Variants in SETD2 observed in about 807,000 individuals in gnomAD.
SETD2 encodes the protein SET domain containing 2, histone lysine methyltransferase.
In SETD2, 31 loss-of-function variants were observed where a neutral mutation model predicts 242.1. That is an observed-to-expected ratio of 0.13 (90% confidence interval 0.10 to 0.17). SETD2 has a LOEUF of 0.17. SETD2 is among the 10% of genes least tolerant of loss of function. The pLI is 1.00. For missense variants in SETD2, 2,481 were observed against 3,046.3 expected, an observed-to-expected ratio of 0.81 and a Z score of 4.37; for synonymous variants, 1,006 against 1,066.5, an observed-to-expected ratio of 0.94 and a Z score of 1.11.
chr3:47,138,365 G>T, intron 1 of SETD2: 1 of 196,756 alleles, frequency 5.1e-6, no homozygotes, highest in Non-Finnish European at 1.1e-5. Context: ...CACCTCCTGG[G>T]TTCAAGCGAA....
At chr3:47,064,925 C>T (rs760903867) in intron 13 of SETD2, among the ~76,000 whole-genome samples, 1 of 151,926 alleles carries the variant, frequency 6.6e-6, no homozygotes, top group Non-Finnish European at 1.5e-5. Flanking sequence ...AAAGAGGCTA[C>T]TCCCTGAAAA....
chr3:47,026,147 T>C (rs2038466279), intron 18 of SETD2, among the ~76,000 whole-genome samples: 1 of 152,078 alleles, frequency 6.6e-6, no homozygotes, highest in Non-Finnish European at 1.5e-5. Flanking sequence ...TGGGCATGGA[T>C]ATGAACAGAC....
At chr3:47,067,862 C>A (rs565579032) in intron 12 of SETD2, among the ~76,000 whole-genome samples, 1 of 152,256 alleles carries the variant, frequency 6.6e-6, no homozygotes, top group South Asian at 2.1e-4. Context: ...GCAAAACCAA[C>A]ATGACTAATG....
At position 47,024,708 on chromosome 3, in the gene SETD2, C is replaced by T. The variant is rs1240358826; in HGVS notation, c.7351-4868G>A. On this transcript the variant is annotated intron_variant, in intron 18 of 20. Coordinates refer to ENST00000409792, the MANE Select transcript of SETD2 (RefSeq NM_014159.7). ...TGCAACTCCCTCAATGCAACAAATACTCTAAAACTACTATTTTAACATAAC... is the reference window on the plus strand; with the variant it reads ...TGCAACTCCCTCAATGCAACAAATATTCTAAAACTACTATTTTAACATAAC... Among the ~76,000 whole-genome samples, 6 of 152,338 alleles carry T rather than the reference C, an allele frequency of 3.9e-5. 1 individual carries two copies. The Middle Eastern group carries it at 0.01, about 259-fold the overall frequency.
At chr3:47,128,004 CA>C (rs2043385470) in intron 1 of SETD2, among the ~76,000 whole-genome samples, 2 of 152,134 alleles carry the variant, frequency 1.3e-5, no homozygotes, top group African/African-American at 4.8e-5. Flanking sequence ...CACACACACA[CA>C]CACACACACA....
At chr3:47,070,748 A>G (rs963739677) in intron 12 of SETD2, among the ~76,000 whole-genome samples, 15 of 152,354 alleles carry the variant, frequency 9.8e-5, no homozygotes, top group South Asian at 8.3e-4. Context: ...CTGGCATACT[A>G]TAACAGAAGA....
chr3:47,147,897 G>A (rs1188122270), intron 1 of SETD2, among the ~76,000 whole-genome samples: 6 of 126,190 alleles, frequency 4.8e-5, no homozygotes, highest in East Asian at 2.3e-4. Context: ...CAGCCTGGGC[G>A]ACAGAGCAAG....
chr3:47,068,491 ATCT>A (rs889166079), intron 12 of SETD2, among the ~76,000 whole-genome samples: 2 of 122,112 alleles, frequency 1.6e-5, no homozygotes, highest in African/African-American at 7.9e-5. Context: ...CAAATACACT[ATCT>A]TTTTTTTTTT....
chr3:47,154,336 G>A (rs2044074637), intron 1 of SETD2, among the ~76,000 whole-genome samples: 1 of 152,072 alleles, frequency 6.6e-6, no homozygotes, highest in South Asian at 2.1e-4. Context: ...TTGAATCCAG[G>A]AGGCAAAGGT....
intron 1 of SETD2, among the ~76,000 whole-genome samples, chr3:47,142,626 G>A (rs1575840519): frequency 1.3e-5 from 2 of 151,680 alleles, no homozygotes; most frequent in Admixed American, 6.6e-5. Flanking sequence ...ATGCTACTTC[G>A]TGGTGGGGGG....
intron 9 of SETD2, among the ~76,000 whole-genome samples, chr3:47,097,213 C>T (rs2042043702): frequency 6.6e-6 from 1 of 152,152 alleles, no homozygotes; most frequent in Admixed American, 6.5e-5. Context: ...CACTAAGATT[C>T]ACAGGTCTAG....
Position 47,016,960 on chromosome 3 carries a change from G to A in SETD2, c.*133C>T. Reference sequence around the variant, plus strand: ...TTGTGGCCTTCAGTTGACATCTGCAGGGTTGAATTCCCCAGGGTGATGTAT... The same window carrying A: ...TTGTGGCCTTCAGTTGACATCTGCAAGGTTGAATTCCCCAGGGTGATGTAT... On this transcript the variant is annotated 3_prime_UTR_variant, in exon 21 of 21. Coordinates refer to ENST00000409792, the MANE Select transcript of SETD2 (RefSeq NM_014159.7). 1.2e-6 allele frequency: 1 copy of A among 848,966 alleles called. No individual in the cohort carries two copies. Among genetic ancestry groups the A allele is most frequent in the Non-Finnish European group, 1.9e-6 (1 of 534,182 alleles). The allele number at this position is 848,966 out of a possible 1,614,324, so 52.6% of individuals were successfully genotyped here.
chr3:47,133,750 G>A (rs527985580), intron 1 of SETD2, among the ~76,000 whole-genome samples: 3 of 152,034 alleles, frequency 2.0e-5, no homozygotes, highest in African/African-American at 7.2e-5. Flanking sequence ...AGAGTATGTG[G>A]ACCCTTGGAA....
intron 14 of SETD2, among the ~76,000 whole-genome samples, chr3:47,060,735 T>C (rs898096256): frequency 6.6e-6 from 1 of 152,160 alleles, no homozygotes. Flanking sequence ...ACATACCATA[T>C]ATGACACATT....
At chr3:47,096,426 G>T (rs1023091258) in intron 9 of SETD2, among the ~76,000 whole-genome samples, 20 of 152,318 alleles carry the variant, frequency 1.3e-4, no homozygotes, top group Admixed American at 1.2e-3. Context: ...AGGGCTGAAG[G>T]CTGGGTGTGG....
At chr3:47,113,845 G>C (rs2107718119) in intron 5 of SETD2, 31 bp downstream of exon 5, 9 of 1,599,724 alleles carry the variant, frequency 5.6e-6, no homozygotes, top group Non-Finnish European at 7.7e-6. Context: ...TCTCAAAAAA[G>C]GAAGTGAAAG....
At chr3:47,129,764 A>G (rs1389816942) in intron 1 of SETD2, among the ~76,000 whole-genome samples, 1 of 152,182 alleles carries the variant, frequency 6.6e-6, no homozygotes, top group African/African-American at 2.4e-5. Context: ...AAGTGCCTGT[A>G]ATCCCAGCTA....
At chr3:47,097,455 C>G (rs748727444) in intron 9 of SETD2, among the ~76,000 whole-genome samples, 2 of 152,148 alleles carry the variant, frequency 1.3e-5, no homozygotes, top group Non-Finnish European at 2.9e-5. Context: ...TCAGGCAAGA[C>G]AGGGTACAAA....
At chr3:47,112,402 C>T (rs1360484382) in intron 5 of SETD2, among the ~76,000 whole-genome samples, 1 of 152,092 alleles carries the variant, frequency 6.6e-6, no homozygotes, top group Non-Finnish European at 1.5e-5. Flanking sequence ...CTGCCTCAGC[C>T]CCTCAAGTAA....
Sources: gnomAD v4.1 joint callset for allele counts (sites outside exome capture counted in the v4.1 genomes callset) on GRCh38, gnomAD v4.1.1 for gene constraint, MANE v1.5 for transcripts, NCBI Gene and HGNC (gene_info 2026-07-23, HGNC 2026-07-21) for gene names.